AQR: variants seen among roughly 807,000 people sequenced by gnomAD.
AQR encodes the protein RNA helicase aquarius.
AQR carries 61 observed loss-of-function variants against 180.5 expected under a neutral mutation model. The observed-to-expected ratio is 0.34, with a 90% CI of 0.28 to 0.42. The LOEUF (loss-of-function observed/expected upper bound fraction) is 0.42, where lower values mean the gene tolerates loss of function less well. Ranked by LOEUF, AQR falls within the 10% of genes least tolerant of loss-of-function variation. The pLI is 1.00. For missense variants in AQR, 1,281 were observed against 1,798.3 expected, an observed-to-expected ratio of 0.71 and a Z score of 5.20; for synonymous variants, 551 against 588.8, an observed-to-expected ratio of 0.94 and a Z score of 0.93.
chr15:34,882,567 T>C lies in AQR; in HGVS notation c.3100A>G (p.Ile1034Val), dbSNP rs772202124. Residue 1034 changes from isoleucine to valine, a missense_variant, in exon 27 of 35, where the codon ATT becomes GTT. Ile to Val is a conservative substitution (Grantham distance 29). This residue lies in a region of AQR where 125 missense variants were observed against 185.0 expected (regional missense o/e 0.68). Transcript: ENST00000156471. ...GCATGAGTACAGGTCATAGCAATAA[T>C]TTTGGCTTCTTTCACTAAAAGGTAT... ...SKYLLVKEAK[I>V]IAMTCTHAAL... 5 of 1,612,498 alleles carry C rather than the reference T, an allele frequency of 3.1e-6. No individual in the cohort carries two copies. Among genetic ancestry groups the C allele is most frequent in the South Asian group, 1.1e-5 (1 of 90,918 alleles).
intron 24 of AQR, 55 bp from the exon 25 acceptor site, chr15:34,886,716 A>T: frequency 5.9e-6 from 9 of 1,525,540 alleles, no homozygotes; most frequent in South Asian, 1.3e-5. Context: ...ACTTTGAAGG[A>T]AACAATCAGC....
In AQR at chr15:34,927,152, G is replaced by A; in HGVS notation, c.1015-14C>T. Reference sequence around the variant, plus strand: ...AAAAGCAGCTCTCTAGAAAATAATGGCAAAAAATATTAATAATTAATGTCT... The same window carrying A: ...AAAAGCAGCTCTCTAGAAAATAATGACAAAAAATATTAATAATTAATGTCT... On this transcript the variant is annotated splice_polypyrimidine_tract_variant and intron_variant, in intron 12 of 34. Transcript: ENST00000156471. The A allele has an allele frequency of 2.7e-6, 4 of 1,457,724 alleles. No individual in the cohort carries two copies. The highest frequency in any genetic ancestry group is 2.4e-5 in the East Asian group (1 of 42,266). The allele number at this position is 1,457,724 out of a possible 1,614,324, so 90.3% of individuals were successfully genotyped here.
At chr15:34,876,098 C>A in intron 27 of AQR, 92 bp from the exon 28 acceptor site, 1 of 902,004 alleles carries the variant, frequency 1.1e-6, no homozygotes, top group Non-Finnish European at 1.8e-6. Flanking sequence ...CAAATAATTT[C>A]TGATAAAAAC....
chr15:34,939,524 G>C (rs1893993769), intron 8 of AQR, among the ~76,000 whole-genome samples: 1 of 152,290 alleles, frequency 6.6e-6, no homozygotes, highest in Admixed American at 6.5e-5. Flanking sequence ...TAACGTTTAA[G>C]TATAATAGAG....
At chr15:34,913,060 A>G (rs905305146) in intron 16 of AQR, among the ~76,000 whole-genome samples, 4 of 152,196 alleles carry the variant, frequency 2.6e-5, no homozygotes, top group African/African-American at 9.7e-5. Context: ...TACATACCAT[A>G]ACATTTATCC....
At chr15:34,874,184 G>A (rs1160653817) in intron 29 of AQR, 185 bp from the exon 30 acceptor site, 1 of 502,396 alleles carries the variant, frequency 2.0e-6, no homozygotes, top group Non-Finnish European at 3.3e-6. Flanking sequence ...CCAAGGGTCA[G>A]AAGACTGAAG....
intron 34 of AQR, among the ~76,000 whole-genome samples, chr15:34,858,908 A>T (rs1212272731): frequency 6.6e-6 from 1 of 152,202 alleles, no homozygotes; most frequent in African/African-American, 2.4e-5. Flanking sequence ...ACTCAGTCCT[A>T]CCTGTATCAT....
intron 2 of AQR, among the ~76,000 whole-genome samples, chr15:34,962,019 A>G (rs1479769137): frequency 5.3e-5 from 8 of 151,776 alleles, no homozygotes; most frequent in Non-Finnish European, 8.8e-5. Context: ...TGGTAACTAT[A>G]ATGTCTTTTT....
chr15:34,941,867 A>G (rs1357693695), intron 7 of AQR, 145 bp downstream of exon 7: 1 of 435,974 alleles, frequency 2.3e-6, no homozygotes, highest in Non-Finnish European at 3.9e-6. Flanking sequence ...TAAAAACTAT[A>G]TCTATGAAAA....
At chr15:34,915,924 C>T (rs1209625283) in intron 15 of AQR, among the ~76,000 whole-genome samples, 1 of 149,178 alleles carries the variant, frequency 6.7e-6, no homozygotes, top group Non-Finnish European at 1.5e-5. Flanking sequence ...CCAGCCTGGG[C>T]AACAAGAGCA....
chr15:34,957,727 ATAAT>A (rs756481794), intron 3 of AQR, among the ~76,000 whole-genome samples: 2 of 143,374 alleles, frequency 1.4e-5, no homozygotes, highest in South Asian at 2.2e-4. Flanking sequence ...AAACATAAAA[ATAAT>A]AATAATAATA....
chr15:34,889,928 T>C (rs995486768), intron 24 of AQR, among the ~76,000 whole-genome samples: 5 of 152,308 alleles, frequency 3.3e-5, no homozygotes, highest in Admixed American at 2.0e-4. Context: ...CATGAAAAAT[T>C]ACCTCAATAA....
intron 32 of AQR, among the ~76,000 whole-genome samples, chr15:34,865,748 T>C (rs1595780342): frequency 6.6e-6 from 1 of 152,328 alleles, no homozygotes; most frequent in African/African-American, 2.4e-5. Flanking sequence ...GAAGTACTGA[T>C]ACATTCGACA....
chr15:34,956,236 C>T (rs1566791326), intron 3 of AQR, among the ~76,000 whole-genome samples: 1 of 152,152 alleles, frequency 6.6e-6, no homozygotes, highest in African/African-American at 2.4e-5. Flanking sequence ...GTAAATTACT[C>T]TGTAAATCAC....
chr15:34,858,971 C>T (rs1360828322), intron 34 of AQR, among the ~76,000 whole-genome samples: 2 of 152,142 alleles, frequency 1.3e-5, no homozygotes, highest in Admixed American at 1.3e-4. Flanking sequence ...TAAAACTCTG[C>T]AACTTCTAGA....
chr15:34,930,140 T>C lies in AQR; in HGVS notation c.1014+118A>G, dbSNP rs570966315. The C allele has an allele frequency of 9.2e-5, 50 of 543,756 alleles. No individual in the cohort carries two copies. The East Asian group carries it at 1.2e-3, about 13-fold the overall frequency. The allele number at this position is 543,756 out of a possible 1,614,324, so 33.7% of individuals were successfully genotyped here. ...ATTGGAAAAAGAAACGTTAAAAATG[T>C]TGAATATAAAAACACTATTAAATTA... On this transcript the variant is annotated intron_variant, in intron 12 of 34. Coordinates refer to ENST00000156471, the MANE Select transcript of AQR (RefSeq NM_014691.3).
At chr15:34,945,940 G>A (rs890405447) in intron 5 of AQR, among the ~76,000 whole-genome samples, 5 of 152,152 alleles carry the variant, frequency 3.3e-5, no homozygotes, top group Non-Finnish European at 7.4e-5. Flanking sequence ...CAGTGCATTA[G>A]AAATTTCTAA....
intron 1 of AQR, among the ~76,000 whole-genome samples, chr15:34,967,108 T>G (rs1203349810): frequency 6.6e-6 from 1 of 151,814 alleles, no homozygotes; most frequent in Non-Finnish European, 1.5e-5. Flanking sequence ...ACTCCCGACC[T>G]CAGGTGATCC....
chr15:34,920,415 C>T lies in AQR; in HGVS notation c.1138G>A (p.Val380Met), dbSNP rs202099888. The T allele has an allele frequency of 3.2e-5, 52 of 1,612,940 alleles. No homozygotes were observed. Among genetic ancestry groups the T allele is most frequent in the Non-Finnish European group, 4.1e-5 (48 of 1,179,430 alleles). The stretch of plus-strand genomic sequence containing the variant: ...GGCAACAAGCAGAGGTATGATGCCA[C>T]CTGGTGGAGTGTGTTTGAACTGCAG... ...GPLSSNTLHQ[V>M]ASYLCLLPTL... Residue 380 changes from valine (V) to methionine (M), a missense_variant, in exon 14 of 35, where the codon GTG (valine) becomes ATG (methionine). Physicochemically the swap from Val to Met is conservative, Grantham distance 21. Transcript: ENST00000156471.
Sources: gnomAD v4.1 joint callset for allele counts (sites outside exome capture counted in the v4.1 genomes callset) on GRCh38, gnomAD v4.1.1 for gene constraint, gnomAD v4.1.1 regional missense constraint, MANE v1.5 for transcripts, NCBI Gene and HGNC (gene_info 2026-07-23, HGNC 2026-07-21) for gene names.